Variants in XKR7 observed in about 807,000 individuals in gnomAD.
The protein encoded by XKR7 is XK related 7, also known as XK-related protein 7.
XKR7 carries 11 observed loss-of-function variants against 42.2 expected under a neutral mutation model. That is an observed-to-expected ratio of 0.26 (90% CI 0.16 to 0.43). The LOEUF (loss-of-function observed/expected upper bound fraction) is 0.43. Ranked by LOEUF, XKR7 falls within the 20% of genes least tolerant of loss-of-function variation. The pLI is 1.00. For synonymous variants in XKR7, 346 were observed against 366.4 expected (o/e 0.94, Z 0.64); for missense variants, 710 against 802.2 (o/e 0.89, Z 1.39).
chr20:31,969,041 G>A (rs568280645), intron 1 of XKR7, among the ~76,000 whole-genome samples: 2 of 152,296 alleles, frequency 1.3e-5, no homozygotes, highest in African/African-American at 2.4e-5. Context: ...GTGTGCGTGA[G>A]TGGGGAGGAC....
At chr20:31,990,699 T>C (rs2122275080) in intron 1 of XKR7, among the ~76,000 whole-genome samples, 1 of 152,360 alleles carries the variant, frequency 6.6e-6, no homozygotes, top group Non-Finnish European at 1.5e-5. Flanking sequence ...CTGGCTGACA[T>C]CATGTTCTGT....
intron 1 of XKR7, among the ~76,000 whole-genome samples, chr20:31,977,171 G>T (rs1015928156): frequency 3.5e-4 from 53 of 152,258 alleles, no homozygotes; most frequent in Admixed American, 3.5e-3. Flanking sequence ...TTCCCAGAAT[G>T]ATACAGTTGT....
chr20:31,994,987 G>A, intron 1 of XKR7, 81 bp from the exon 2 acceptor site: 1 of 1,514,168 alleles, frequency 6.6e-7, no homozygotes, highest in Non-Finnish European at 8.8e-7. Context: ...TGCCCCCTGC[G>A]CCTGTGGGCG....
chr20:31,981,144 C>T (rs1472938720), intron 1 of XKR7, among the ~76,000 whole-genome samples: 2 of 148,560 alleles, frequency 1.3e-5, no homozygotes, highest in Non-Finnish European at 3.0e-5. Flanking sequence ...GGGAGGTGAT[C>T]ACTTGAGGTC....
Position 31,996,892 on chromosome 20 carries a change from T to G in XKR7, c.1175T>G (p.Leu392Arg). ...RRMTLYHCIVLLENAALTGFW... is the reference protein window; with the variant it reads ...RRMTLYHCIVRLENAALTGFW... Reference sequence around the variant, plus strand: ...ATGACCCTCTACCACTGCATCGTCCTGCTGGAGAACGCCGCGCTCACCGGC... The same window carrying G: ...ATGACCCTCTACCACTGCATCGTCCGGCTGGAGAACGCCGCGCTCACCGGC... Residue 392 changes from leucine (L) to arginine (R), a missense_variant, in exon 3 of 3, where the codon CTG (leucine) becomes CGG (arginine). Coordinates refer to ENST00000562532, the MANE Select transcript of XKR7 (RefSeq NM_001011718.2). 1 of 1,613,952 alleles carries G rather than the reference T, an allele frequency of 6.2e-7. No individual in the cohort carries two copies. Among genetic ancestry groups the G allele is most frequent in the Non-Finnish European group, 8.5e-7 (1 of 1,180,028 alleles).
intron 1 of XKR7, among the ~76,000 whole-genome samples, chr20:31,976,479 G>A (rs1452660250): frequency 5.3e-5 from 8 of 151,698 alleles, no homozygotes; most frequent in Admixed American, 2.0e-4. Flanking sequence ...CTGCCTCCCC[G>A]GTTCAAGCGA....
intron 1 of XKR7, among the ~76,000 whole-genome samples, chr20:31,989,246 C>A (rs538663819): frequency 1.3e-5 from 2 of 148,408 alleles, no homozygotes; most frequent in South Asian, 4.3e-4. Context: ...CGTCCTGAGC[C>A]AGGGACAAGT....
rs112568117 is a variant in XKR7 at position 31,996,728 on chromosome 20, C to T, written c.1011C>T (p.Cys337=). ...GCATCTTCATCGTGGCCCACTGGTG[C>T]GTCATGACCTTCTGGGTCATCCAAG... is the stretch of plus-strand genomic sequence containing the variant. ...YFGIFIVAHW[C]VMTFWVIQGE... Residue 337 remains cysteine, a synonymous_variant, in exon 3 of 3, where the codon TGC becomes TGT. Transcript: ENST00000562532. The T allele has an allele frequency of 1.4e-3, 2,278 of 1,613,448 alleles. 19 individuals are homozygous for T. The African/African-American group carries it at 0.021, about 15-fold the overall frequency.
intron 1 of XKR7, among the ~76,000 whole-genome samples, chr20:31,977,516 G>A (rs572871400): frequency 1.4e-4 from 22 of 152,238 alleles, no homozygotes; most frequent in African/African-American, 5.1e-4. Flanking sequence ...ACATCTTAAG[G>A]TTTTTATAAG....
intron 1 of XKR7, among the ~76,000 whole-genome samples, chr20:31,985,031 G>A (rs2064531161): frequency 6.6e-6 from 1 of 152,222 alleles, no homozygotes; most frequent in Admixed American, 6.5e-5. Flanking sequence ...AGCACAGCCT[G>A]TCATCCAGCT....
At chr20:31,976,940 G>C (rs1439779894) in intron 1 of XKR7, among the ~76,000 whole-genome samples, 1 of 152,204 alleles carries the variant, frequency 6.6e-6, no homozygotes, top group Non-Finnish European at 1.5e-5. Context: ...CTCTGTTACT[G>C]TTGGTGGTCT....
chr20:32,001,039 AG>A lies in XKR7; in HGVS notation c.*3584del, dbSNP rs2064622435. ...GGAAAGACAGAGGGCAGGGAAGGTGAGGCCTGGGGAAAGTCCAGGCCTCTGG... is the reference window on the plus strand; with the variant it reads ...GGAAAGACAGAGGGCAGGGAAGGTGAGCCTGGGGAAAGTCCAGGCCTCTGG... On this transcript the variant is annotated 3_prime_UTR_variant, in exon 3 of 3. Coordinates refer to ENST00000562532, the MANE Select transcript of XKR7 (RefSeq NM_001011718.2). 1 of 152,304 alleles carries A rather than the reference AG, an allele frequency of 6.6e-6. No homozygotes were observed. The highest frequency in any genetic ancestry group is 6.5e-5 in the Admixed American group (1 of 15,278). 9.4% of individuals were successfully genotyped at this position (152,304 alleles called of 1,614,324 possible).
At chr20:31,971,404 A>T (rs755757483) in intron 1 of XKR7, among the ~76,000 whole-genome samples, 1 of 152,252 alleles carries the variant, frequency 6.6e-6, no homozygotes, top group Non-Finnish European at 1.5e-5. Flanking sequence ...CTATTGCCAA[A>T]GCAAAAGCCT....
chr20:31,972,253 T>C (rs533739223), intron 1 of XKR7, among the ~76,000 whole-genome samples: 1 of 152,284 alleles, frequency 6.6e-6, no homozygotes, highest in South Asian at 2.1e-4. Context: ...ACTATTGATA[T>C]ACCCATTTAT....
At chr20:31,978,508 C>G (rs555773982) in intron 1 of XKR7, among the ~76,000 whole-genome samples, 21 of 152,360 alleles carry the variant, frequency 1.4e-4, no homozygotes, top group African/African-American at 4.8e-4. Flanking sequence ...CTCTCTTCAA[C>G]AATTATTGAT....
intron 1 of XKR7, among the ~76,000 whole-genome samples, chr20:31,993,804 C>T (rs551654732): frequency 6.6e-6 from 1 of 152,236 alleles, no homozygotes; most frequent in East Asian, 1.9e-4. Flanking sequence ...AGGCCCTTAC[C>T]CTAGGTGGAA....
rs552046400 is a variant in XKR7 at position 31,999,041 on chromosome 20, C to G, written c.*1584C>G. Reference sequence around the variant, plus strand: ...GGGAACCCAACCCACCCCCCACCCCCCCACACACACACTCCCACAGCAACT... The same window carrying G: ...GGGAACCCAACCCACCCCCCACCCCGCCACACACACACTCCCACAGCAACT... On this transcript the variant is annotated 3_prime_UTR_variant, in exon 3 of 3. Coordinates refer to ENST00000562532, the MANE Select transcript of XKR7 (RefSeq NM_001011718.2). The G allele has an allele frequency of 4.2e-5, 6 of 144,528 alleles. No individual in the cohort carries two copies. Among genetic ancestry groups the G allele is most frequent in the Non-Finnish European group, 9.2e-5 (6 of 65,312 alleles). 9.0% of individuals were successfully genotyped at this position (144,528 alleles called of 1,614,324 possible). A position where few individuals can be genotyped will look rare whatever the true frequency, so the allele number is the denominator to read the frequency against.
intron 1 of XKR7, among the ~76,000 whole-genome samples, chr20:31,978,960 C>A (rs1224791392): frequency 6.6e-6 from 1 of 151,826 alleles, no homozygotes; most frequent in Admixed American, 6.6e-5. Context: ...CATGGTGAAA[C>A]CCTGTCTCTA....
chr20:31,979,215 CTTTTTCTTTTT>C, intron 1 of XKR7, among the ~76,000 whole-genome samples: 1 of 150,510 alleles, frequency 6.6e-6, no homozygotes, highest in Non-Finnish European at 1.5e-5. Context: ...TTTTTCTTTT[CTTTTTCTTTTT>C]TTTTTAAAGA....
Sources: gnomAD v4.1 joint callset for allele counts (sites outside exome capture counted in the v4.1 genomes callset) on GRCh38, gnomAD v4.1.1 for gene constraint, MANE v1.5 for transcripts, NCBI Gene and HGNC (gene_info 2026-07-23, HGNC 2026-07-21) for gene names.